SI: variants seen among roughly 807,000 people sequenced by gnomAD.
SI encodes sucrase-isomaltase, intestinal.
In SI, 235 loss-of-function variants were observed where a neutral mutation model predicts 253.3. The observed-to-expected ratio is 0.93, with a 90% confidence interval of 0.83 to 1.03. The LOEUF is 1.03. SI is among the 50% of genes least tolerant of loss of function. The pLI, the probability that SI is intolerant of heterozygous loss-of-function variation, is 0.00. For synonymous variants in SI, 819 were observed against 712.0 expected (o/e 1.15, Z -2.39); for missense variants, 2,442 against 2,211.1 (o/e 1.10, Z -2.09).
At chr3:165,076,044 G>C in intron 1 of SI, 32 bp from the exon 2 acceptor site, 1 of 1,360,480 alleles carries the variant, frequency 7.4e-7, no homozygotes, top group East Asian at 2.5e-5. Context: ...TATTTAAAAT[G>C]TAAAATATAT....
chr3:164,987,384 T>C (rs1409614243), intron 44 of SI, among the ~76,000 whole-genome samples, 158 bp from the exon 45 acceptor site: 1 of 152,186 alleles, frequency 6.6e-6, no homozygotes, highest in African/African-American at 2.4e-5. Context: ...TTTTTCTAAA[T>C]TAGTTAACAG....
At position 165,070,281 on chromosome 3, in the gene SI, ATATACATATATAAT is replaced by A. The variant is rs1714484386; in HGVS notation, c.256-1100_256-1087del. On this transcript the variant is annotated intron_variant, in intron 3 of 47. Transcript: ENST00000264382. ...GTATAATAAATATACATATATGATT[ATATACATATATAAT>A]TATATATGTATATATACATATATTA... Among the ~76,000 whole-genome samples the A allele has an allele frequency of 2.6e-5, 3 of 117,194 alleles. No homozygotes were observed. The Admixed American group carries it at 3.2e-4, about 12-fold the overall frequency. 76.9% of individuals were successfully genotyped at this position (117,194 alleles called of 152,430 possible).
At chr3:165,050,600 C>T (rs1019141797) in intron 13 of SI, among the ~76,000 whole-genome samples, 1 of 152,060 alleles carries the variant, frequency 6.6e-6, no homozygotes, top group African/African-American at 2.4e-5. Context: ...TTTATAAAAT[C>T]ATATATCACA....
At chr3:165,034,680 T>C (rs937432762) in intron 22 of SI, among the ~76,000 whole-genome samples, 2 of 150,088 alleles carry the variant, frequency 1.3e-5, no homozygotes, top group Non-Finnish European at 3.0e-5. Context: ...GATAATGTGT[T>C]TGTGTGTGTG....
At position 165,068,542 on chromosome 3, in the gene SI, T is replaced by A. The variant is rs562795642; in HGVS notation, c.483+180A>T. 3.3e-5 allele frequency among the ~76,000 whole-genome samples: 5 copies of A among 152,122 alleles called. No individual in the cohort carries two copies. In the East Asian group the frequency reaches 9.7e-4, roughly 29 times the overall value. ...GCGCCCGCCACCACGCCTGGCTAAT[T>A]TTTCGTATTTTTAATAGAGACGGGG... On this transcript the variant is annotated intron_variant, in intron 5 of 47. Transcript: ENST00000264382.
intron 37 of SI, among the ~76,000 whole-genome samples, chr3:165,005,411 A>T (rs985024316): frequency 3.3e-5 from 5 of 152,092 alleles, no homozygotes; most frequent in Non-Finnish European, 5.9e-5. Context: ...TCTGTTTTCT[A>T]TGAGGTGATT....
At chr3:164,994,183 A>G in intron 41 of SI, 74 bp downstream of exon 41, 1 of 1,317,228 alleles carries the variant, frequency 7.6e-7, no homozygotes, top group Non-Finnish European at 1.1e-6. Context: ...TTTATATTGC[A>G]CTATAAGAGA....
At chr3:165,047,381 A>G (rs1017322704) in intron 15 of SI, among the ~76,000 whole-genome samples, 1 of 152,062 alleles carries the variant, frequency 6.6e-6, no homozygotes, top group Non-Finnish European at 1.5e-5. Context: ...CCCCCCAGCC[A>G]TGTGGAACTG....
chr3:165,010,620 A>T (rs2108162068), intron 34 of SI, among the ~76,000 whole-genome samples: 1 of 152,354 alleles, frequency 6.6e-6, no homozygotes, highest in Non-Finnish European at 1.5e-5. Flanking sequence ...GTAGTGCCAG[A>T]TCTTTTTCAT....
In SI at chr3:164,979,129, GGATA is replaced by G. The variant is rs1235145143; in HGVS notation, c.*229_*232del. On this transcript the variant is annotated 3_prime_UTR_variant, in exon 48 of 48. Transcript: ENST00000264382. ...TACAATTGTAGCTGATACTTAACAA[GGATA>G]AATAGGGCTATTCAAATTTTGTTAA... 1 of 474,038 alleles carries G rather than the reference GGATA, an allele frequency of 2.1e-6. No homozygotes were observed. The highest frequency in any genetic ancestry group is 1.9e-5 in the African/African-American group (1 of 51,468). 29.4% of individuals were successfully genotyped at this position (474,038 alleles called of 1,614,324 possible). A position where few individuals can be genotyped will look rare whatever the true frequency, so the allele number is the denominator to read the frequency against.
chr3:165,039,975 A>G lies in SI; in HGVS notation c.2160-4T>C. The G allele has an allele frequency of 6.2e-7, 1 of 1,606,518 alleles. No individual in the cohort carries two copies. The highest frequency in any genetic ancestry group is 8.5e-7 in the Non-Finnish European group (1 of 1,173,280). ...GCTGTTCGTATCCTCATAAAACCTAAGAACAATGACAATGTTTAAAGTATA... is the reference window on the plus strand; with the variant it reads ...GCTGTTCGTATCCTCATAAAACCTAGGAACAATGACAATGTTTAAAGTATA... On this transcript the variant is annotated splice_region_variant and splice_polypyrimidine_tract_variant and intron_variant, in intron 18 of 47. Coordinates refer to ENST00000264382, the MANE Select transcript of SI (RefSeq NM_001041.4).
In SI at chr3:165,041,062, T is replaced by C; in HGVS notation, c.2037A>G (p.Ser679=). 1.2e-6 allele frequency: 2 copies of C among 1,612,896 alleles called. No individual in the cohort carries two copies. The highest frequency in any genetic ancestry group is 8.5e-7 in the Non-Finnish European group (1 of 1,179,292). ...ACTGCCTTGATGATTTAACCAAAAG[T>C]GAATTCTGCCCAAAAAATGCAGGAT... ...HQDPAFFGQN[S]LLVKSSRQYL... Residue 679 remains serine, a synonymous_variant, in exon 18 of 48, where the codon TCA becomes TCG. Coordinates refer to ENST00000264382, the MANE Select transcript of SI (RefSeq NM_001041.4).
the SI span, among the ~76,000 whole-genome samples, chr3:165,084,919 C>T: frequency 6.6e-6 from 1 of 152,026 alleles, no homozygotes; most frequent in Admixed American, 6.6e-5. Flanking sequence ...TGAAATTAAT[C>T]CACTCTCCTT....
chr3:165,065,064 C>G (rs1260915333), intron 7 of SI, among the ~76,000 whole-genome samples, 197 bp downstream of exon 7: 2 of 151,944 alleles, frequency 1.3e-5, no homozygotes, highest in African/African-American at 4.8e-5. Flanking sequence ...AAAACCTTTA[C>G]AAAATCTGTT....
At chr3:165,010,327 T>G (rs139096923) in intron 34 of SI, among the ~76,000 whole-genome samples, 1 of 151,946 alleles carries the variant, frequency 6.6e-6, no homozygotes, top group Non-Finnish European at 1.5e-5. Flanking sequence ...ACCTGGCTAA[T>G]TTTTTGTATT....
In SI at chr3:165,043,126, C is replaced by CA; in HGVS notation, c.1936dup (p.Cys646LeufsTer18). Reference sequence around the variant, plus strand: ...TGCCCCAAGTTGCATCCATCTTCTGCAAAGTTCTTCTGTGGTTTCAGCCAC... The same window carrying CA: ...TGCCCCAAGTTGCATCCATCTTCTGCAAAAGTTCTTCTGTGGTTTCAGCCAC... On this transcript the variant is annotated frameshift_variant, in exon 17 of 48. Transcript: ENST00000264382. LOFTEE classifies it high-confidence loss of function. 6.2e-7 allele frequency: 1 copy of CA among 1,612,746 alleles called. No homozygotes were observed.
intron 47 of SI, among the ~76,000 whole-genome samples, chr3:164,980,015 G>A (rs1393141365): frequency 6.6e-6 from 1 of 151,730 alleles, no homozygotes; most frequent in Non-Finnish European, 1.5e-5. Flanking sequence ...ATAGTTTTAT[G>A]ATATGACGAT....
chr3:165,014,470 C>G (rs758471029), intron 33 of SI, among the ~76,000 whole-genome samples: 1 of 152,002 alleles, frequency 6.6e-6, no homozygotes, highest in African/African-American at 2.4e-5. Context: ...AGGATGGTCT[C>G]GATCTCCTGA....
At chr3:165,029,125 A>G (rs566890524) in intron 25 of SI, among the ~76,000 whole-genome samples, 2 of 151,580 alleles carry the variant, frequency 1.3e-5, no homozygotes, top group Non-Finnish European at 3.0e-5. Flanking sequence ...AAAGGCATGA[A>G]TAGACAAATC....
Sources: gnomAD v4.1 joint callset for allele counts (sites outside exome capture counted in the v4.1 genomes callset) on GRCh38, gnomAD v4.1.1 for gene constraint, MANE v1.5 for transcripts, NCBI Gene and HGNC (gene_info 2026-07-23, HGNC 2026-07-21) for gene names.